The following HEXIM1 variants were observed in gnomAD, a reference collection of about 807,000 sequenced individuals.
The protein encoded by HEXIM1 is protein HEXIM1.
HEXIM1 carries 1 observed loss-of-function variant against 30.3 expected under a neutral mutation model. That is an observed-to-expected ratio of 0.03 (90% CI 0.01 to 0.16). The LOEUF is 0.16. Among genes scored for constraint, HEXIM1 ranks in the 10% least tolerant of loss-of-function variants. The pLI, the probability that HEXIM1 is intolerant of heterozygous loss-of-function variation, is 1.00. For synonymous variants in HEXIM1, 245 were observed against 208.3 expected (o/e 1.18, Z -1.52); for missense variants, 391 against 476.4 (o/e 0.82, Z 1.67).
In HEXIM1 at chr17:45,149,130, C is replaced by A. The variant is rs1432046336; in HGVS notation, c.-61C>A. The A allele has an allele frequency of 1.4e-6, 2 of 1,457,176 alleles. No individual in the cohort carries two copies. The highest frequency in any genetic ancestry group is 1.8e-6 in the Non-Finnish European group (2 of 1,090,604). The allele number at this position is 1,457,176 out of a possible 1,614,324, so 90.3% of individuals were successfully genotyped here. ...CTTTTTCTTTTTTTTAAGAAAAACC[C>A]ATTTTTTTCCTTAAGGACTTACTAG... On this transcript the variant is annotated 5_prime_UTR_variant, in exon 1 of 1. Coordinates refer to ENST00000332499, the MANE Select transcript of HEXIM1 (RefSeq NM_006460.3). The surrounding 1 kb of genome is among the most constrained non-coding windows in gnomAD (Gnocchi z 5.3).
In HEXIM1 at chr17:45,148,596, C is replaced by A; in HGVS notation, c.-595C>A. 2.5e-6 allele frequency: 1 copy of A among 399,284 alleles called. No individual in the cohort carries two copies. 24.7% of individuals were successfully genotyped at this position (399,284 alleles called of 1,614,324 possible). A position where few individuals can be genotyped will look rare whatever the true frequency, so the allele number is the denominator to read the frequency against. On this transcript the variant is annotated 5_prime_UTR_variant, in exon 1 of 1. In the 5' UTR this introduces an upstream ATG that the reference lacks. Coordinates refer to ENST00000332499, the MANE Select transcript of HEXIM1 (RefSeq NM_006460.3). Reference sequence around the variant, plus strand: ...GAAAAGAGGAGGAGGCGGAGGAGAACTGAGCAGAGCAGAGCATCGAGCCAA... The same window carrying A: ...GAAAAGAGGAGGAGGCGGAGGAGAAATGAGCAGAGCAGAGCATCGAGCCAA...
chr17:45,149,249 G>A lies in HEXIM1; in HGVS notation c.59G>A (p.Gly20Asp), dbSNP rs367729540. The A allele has an allele frequency of 6.2e-7, 1 of 1,613,720 alleles. No individual in the cohort carries two copies. The highest frequency in any genetic ancestry group is 1.3e-5 in the African/African-American group (1 of 74,912). Residue 20 changes from glycine (G) to aspartate (D), a missense_variant, in exon 1 of 1, where the codon GGT (glycine) becomes GAT (aspartate). Physicochemically the swap from Gly to Asp is moderately conservative, Grantham distance 94. This residue lies in a region of HEXIM1 where 230 missense variants were observed against 199.4 expected (regional missense o/e 1.15). Coordinates refer to ENST00000332499, the MANE Select transcript of HEXIM1 (RefSeq NM_006460.3). The surrounding 1 kb of genome is among the most constrained non-coding windows in gnomAD (Gnocchi z 5.3). ...CAGCCTCAAACTAGCAACTGTACAG[G>A]TGCTGCTGCTGTCCAGGAAGAGCTG... ...QHQPQTSNCT[G>D]AAAVQEELNP...
Position 45,149,245 on chromosome 17 carries a change from A to C in HEXIM1, c.55A>C (p.Thr19Pro). The C allele has an allele frequency of 6.2e-7, 1 of 1,613,872 alleles. No individual in the cohort carries two copies. Among genetic ancestry groups the C allele is most frequent in the Non-Finnish European group, 8.5e-7 (1 of 1,180,028 alleles). The change falls in exon 1 of 1, where the codon ACA becomes CCA. Residue 19 changes from threonine (T) to proline (P), a missense_variant. Physicochemically the swap from Thr to Pro is conservative, Grantham distance 38. Transcript: ENST00000332499. The surrounding 1 kb of genome is among the most constrained non-coding windows in gnomAD (Gnocchi z 5.3). Reference sequence around the variant, plus strand: ...ACACCAGCCTCAAACTAGCAACTGTACAGGTGCTGCTGCTGTCCAGGAAGA... The same window carrying C: ...ACACCAGCCTCAAACTAGCAACTGTCCAGGTGCTGCTGCTGTCCAGGAAGA... Reference protein sequence around the residue: ...YQHQPQTSNCTGAAAVQEELN... With the variant: ...YQHQPQTSNCPGAAAVQEELN...
Position 45,149,891 on chromosome 17 carries a change from A to C in HEXIM1, c.701A>C (p.Asp234Ala). The C allele has an allele frequency of 6.2e-7, 1 of 1,613,514 alleles. No homozygotes were observed. The highest frequency in any genetic ancestry group is 8.5e-7 in the Non-Finnish European group (1 of 1,179,900). The change falls in exon 1 of 1, where the codon GAC becomes GCC. Residue 234 changes from aspartate to alanine, a missense_variant. Asp to Ala is a moderately radical substitution (Grantham distance 126). Around this residue, in one of 5 missense-constraint regions of HEXIM1, gnomAD observed 38 missense variants for 40.0 expected, o/e 0.95. Transcript: ENST00000332499. The surrounding 1 kb of genome is among the most constrained non-coding windows in gnomAD (Gnocchi z 5.3). The stretch of plus-strand genomic sequence containing the variant: ...TCCAAGCGGGCCGCCGCCAAATCCG[A>C]CGACACCAGCGATGACGACTTCATG... ...LYSKRAAAKSDDTSDDDFMEE... is the reference protein window; with the variant it reads ...LYSKRAAAKSADTSDDDFMEE...
rs1337636793 is a variant in HEXIM1, at chr17:45,152,078, A to T, written c.*1808A>T. 1.1e-4 allele frequency: 18 copies of T among 167,036 alleles called. No homozygotes were observed. 10.3% of individuals were successfully genotyped at this position (167,036 alleles called of 1,614,324 possible). A position where few individuals can be genotyped will look rare whatever the true frequency, so the allele number is the denominator to read the frequency against. On this transcript the variant is annotated 3_prime_UTR_variant, in exon 1 of 1. Transcript: ENST00000332499. ...TGAGTTTTTCTTTGGTCTAAAAATTATATTAAACATTTATTTTGAAATAGT... is the reference window on the plus strand; with the variant it reads ...TGAGTTTTTCTTTGGTCTAAAAATTTTATTAAACATTTATTTTGAAATAGT...
Position 45,150,204 on chromosome 17 carries a change from G to A in HEXIM1, c.1014G>A (p.Gln338=), listed in dbSNP as rs146847738. The A allele has an allele frequency of 2.5e-6, 4 of 1,612,626 alleles. No individual in the cohort carries two copies. The African/African-American group carries it at 5.3e-5, about 22-fold the overall frequency. Residue 338 remains glutamine (Q), a synonymous_variant, in exon 1 of 1, where the codon CAG becomes CAA. Coordinates refer to ENST00000332499, the MANE Select transcript of HEXIM1 (RefSeq NM_006460.3). ...ACCGGCTGCGCGCCGAGAACCTCCA[G>A]CTGCTGACCGAGAACGAACTGCACC... is the stretch of plus-strand genomic sequence containing the variant. ...ELDRLRAENL[Q]LLTENELHRQ... is the part of the protein sequence containing the mutation.
In HEXIM1 at chr17:45,151,467, G is replaced by C. The variant is rs1011290522; in HGVS notation, c.*1197G>C. On this transcript the variant is annotated 3_prime_UTR_variant, in exon 1 of 1. Coordinates refer to ENST00000332499, the MANE Select transcript of HEXIM1 (RefSeq NM_006460.3). ...CCCTTGCACAGCCCTATTCTAAATC[G>C]CTTAAACTATGCTGATAGCTGCTTA... is the stretch of plus-strand genomic sequence containing the variant. 9 of 166,968 alleles carry C rather than the reference G, an allele frequency of 5.4e-5. No individual in the cohort carries two copies. Among genetic ancestry groups the C allele is most frequent in the African/African-American group, 2.2e-4 (9 of 41,394 alleles). 10.3% of individuals were successfully genotyped at this position (166,968 alleles called of 1,614,324 possible).
rs1246796223 is a variant in HEXIM1 at position 45,149,584 on chromosome 17, G to A, written c.394G>A (p.Ala132Thr). 1.2e-6 allele frequency: 2 copies of A among 1,610,058 alleles called. No homozygotes were observed. Among genetic ancestry groups the A allele is most frequent in the South Asian group, 1.1e-5 (1 of 90,928 alleles). ...TGACTCCGAGGCCAGTAAGTTGGGGGCTCCTGCCGCAGGGGGCGAAGAGGA... is the reference window on the plus strand; with the variant it reads ...TGACTCCGAGGCCAGTAAGTTGGGGACTCCTGCCGCAGGGGGCGAAGAGGA... ...CHDSEASKLG[A>T]PAAGGEEEWG... Residue 132 changes from alanine (A) to threonine (T), a missense_variant, in exon 1 of 1, where the codon GCT becomes ACT. Coordinates refer to ENST00000332499, the MANE Select transcript of HEXIM1 (RefSeq NM_006460.3). The surrounding 1 kb of genome is among the most constrained non-coding windows in gnomAD (Gnocchi z 5.3).
chr17:45,149,049 G>C lies in HEXIM1; in HGVS notation c.-142G>C. ...TTTGCTGATAGAAGGACTAGCTAAA[G>C]GCGTCACTGCAGGAATTACAAACTG... On this transcript the variant is annotated 5_prime_UTR_variant, in exon 1 of 1. Coordinates refer to ENST00000332499, the MANE Select transcript of HEXIM1 (RefSeq NM_006460.3). The surrounding 1 kb of genome is among the most constrained non-coding windows in gnomAD (Gnocchi z 5.3). 1 of 818,852 alleles carries C rather than the reference G, an allele frequency of 1.2e-6. No individual in the cohort carries two copies. The highest frequency in any genetic ancestry group is 1.9e-6 in the Non-Finnish European group (1 of 531,886). The allele number at this position is 818,852 out of a possible 1,614,324, so 50.7% of individuals were successfully genotyped here.
In HEXIM1 at chr17:45,150,165, G is replaced by T; in HGVS notation, c.975G>T (p.Leu325=). The change falls in exon 1 of 1, where the codon CTG becomes CTT. Residue 325 remains leucine (L), a synonymous_variant. Coordinates refer to ENST00000332499, the MANE Select transcript of HEXIM1 (RefSeq NM_006460.3). ...GCGACGACGCGCGTGTGCGGGAGCT[G>T]GAGCTGGAGCTGGACCGGCTGCGCG... ...LGGDDARVRE[L]ELELDRLRAE... 1 of 1,613,360 alleles carries T rather than the reference G, an allele frequency of 6.2e-7. No individual in the cohort carries two copies. Among genetic ancestry groups the T allele is most frequent in the African/African-American group, 1.3e-5 (1 of 75,050 alleles).
In HEXIM1 at chr17:45,150,182, G is replaced by A; in HGVS notation, c.992G>A (p.Arg331Gln). The A allele has an allele frequency of 1.2e-6, 2 of 1,613,064 alleles. No individual in the cohort carries two copies. The highest frequency in any genetic ancestry group is 1.3e-5 in the African/African-American group (1 of 75,040). The change falls in exon 1 of 1, where the codon CGG becomes CAG. Residue 331 changes from arginine (R) to glutamine (Q), a missense_variant. Transcript: ENST00000332499. ...CGGGAGCTGGAGCTGGAGCTGGACC[G>A]GCTGCGCGCCGAGAACCTCCAGCTG... ...RVRELELELD[R>Q]LRAENLQLLT...
In HEXIM1 at chr17:45,149,817, C is replaced by A; in HGVS notation, c.627C>A (p.Leu209=). ...PVAPYNTTQF[L]MDDHDQEEPD... ...CGCCCTATAACACCACGCAGTTCCT[C>A]ATGGATGATCACGACCAGGAGGAGC... is the stretch of plus-strand genomic sequence containing the variant. Residue 209 remains leucine (L), a synonymous_variant, in exon 1 of 1, where the codon CTC becomes CTA. Transcript: ENST00000332499. This position sits in a 1 kb window ranked among gnomAD's most constrained non-coding sequence, Gnocchi z 5.3. 6.2e-7 allele frequency: 1 copy of A among 1,613,834 alleles called. No individual in the cohort carries two copies. The highest frequency in any genetic ancestry group is 8.5e-7 in the Non-Finnish European group (1 of 1,180,024).
At position 45,149,345 on chromosome 17, in the gene HEXIM1, T is replaced by C. The variant is rs772784303; in HGVS notation, c.155T>C (p.Phe52Ser). The C allele has an allele frequency of 3.7e-6, 6 of 1,613,314 alleles. No individual in the cohort carries two copies. In the Admixed American group the frequency reaches 6.7e-5, roughly 18 times the overall value. The stretch of plus-strand genomic sequence containing the variant: ...GACAGTAGGTGGCAATCGAGAGCGT[T>C]CCCCCAGTTGGGTGGCCGTCCGGGG... ...EEDSRWQSRA[F>S]PQLGGRPGPE... is the part of the protein sequence containing the mutation. Residue 52 changes from phenylalanine (F) to serine (S), a missense_variant, in exon 1 of 1, where the codon TTC becomes TCC. Physicochemically the swap from Phe to Ser is radical, Grantham distance 155. This residue lies in a region of HEXIM1 where 230 missense variants were observed against 199.4 expected (regional missense o/e 1.15). Transcript: ENST00000332499. The surrounding 1 kb of genome is among the most constrained non-coding windows in gnomAD (Gnocchi z 5.3).
At position 45,151,889 on chromosome 17, in the gene HEXIM1, T is replaced by TG. The variant is rs2055549783; in HGVS notation, c.*1620dup. The TG allele has an allele frequency of 6.0e-6, 1 of 166,962 alleles. No individual in the cohort carries two copies. Among genetic ancestry groups the TG allele is most frequent in the Non-Finnish European group, 1.5e-5 (1 of 68,092 alleles). 10.3% of individuals were successfully genotyped at this position (166,962 alleles called of 1,614,324 possible). A position where few individuals can be genotyped will look rare whatever the true frequency, so the allele number is the denominator to read the frequency against. On this transcript the variant is annotated 3_prime_UTR_variant, in exon 1 of 1. Coordinates refer to ENST00000332499, the MANE Select transcript of HEXIM1 (RefSeq NM_006460.3). ...TGCAGTTAAATGGCGATGGTGGAGG[T>TG]GATAGGGACTTCAAGAGTAAAATGC... is the stretch of plus-strand genomic sequence containing the variant.
Position 45,150,356 on chromosome 17 carries a change from G to C in HEXIM1, c.*86G>C, listed in dbSNP as rs2087955886. The C allele has an allele frequency of 2.7e-6, 4 of 1,472,360 alleles. No homozygotes were observed. Among genetic ancestry groups the C allele is most frequent in the Non-Finnish European group, 3.7e-6 (4 of 1,090,946 alleles). 91.2% of individuals were successfully genotyped at this position (1,472,360 alleles called of 1,614,324 possible). A position where few individuals can be genotyped will look rare whatever the true frequency, so the allele number is the denominator to read the frequency against. On this transcript the variant is annotated 3_prime_UTR_variant, in exon 1 of 1. Transcript: ENST00000332499. ...TATATACATGTGTATATAAGACAGT[G>C]GACCTTTTTATGACACATAATCAGA... is the stretch of plus-strand genomic sequence containing the variant.
rs1475266515 is a variant in HEXIM1 at position 45,148,951 on chromosome 17, T to C, written c.-240T>C. 1.2e-5 allele frequency: 6 copies of C among 518,832 alleles called. No homozygotes were observed. Among genetic ancestry groups the C allele is most frequent in the Non-Finnish European group, 2.0e-5 (6 of 296,636 alleles). 32.1% of individuals were successfully genotyped at this position (518,832 alleles called of 1,614,324 possible). On this transcript the variant is annotated 5_prime_UTR_variant, in exon 1 of 1. Coordinates refer to ENST00000332499, the MANE Select transcript of HEXIM1 (RefSeq NM_006460.3). ...TACTGTTCCTGCCGCTGCACCCCCT[T>C]GGACCCGCTAGCTGGCCGCACTGTG...
Position 45,150,481 on chromosome 17 carries a change from CTTG to C in HEXIM1, c.*214_*216del, listed in dbSNP as rs2055540316. The stretch of plus-strand genomic sequence containing the variant: ...TATGTGAAACTGAAGAGTTGCTTTT[CTTG>C]TTTTCCTTTTTAGAAGTTTTTTTCC... On this transcript the variant is annotated 3_prime_UTR_variant, in exon 1 of 1. Coordinates refer to ENST00000332499, the MANE Select transcript of HEXIM1 (RefSeq NM_006460.3). The C allele has an allele frequency of 1.9e-6, 1 of 537,118 alleles. No individual in the cohort carries two copies. The highest frequency in any genetic ancestry group is 1.9e-5 in the African/African-American group (1 of 51,490). 33.3% of individuals were successfully genotyped at this position (537,118 alleles called of 1,614,324 possible). A position where few individuals can be genotyped will look rare whatever the true frequency, so the allele number is the denominator to read the frequency against.
In HEXIM1 at chr17:45,149,380, G is replaced by A. The variant is rs762094836; in HGVS notation, c.190G>A (p.Glu64Lys). The A allele has an allele frequency of 6.2e-6, 10 of 1,613,450 alleles. No homozygotes were observed. In the African/African-American group the frequency reaches 8.0e-5, roughly 13 times the overall value. ...GGGTGGCCGTCCGGGGCCGGAGGGG[G>A]AAGGGAGCCTGGAATCCCAACCACC... ...QLGGRPGPEG[E>K]GSLESQPPPL... Residue 64 changes from glutamate (E) to lysine (K), a missense_variant, in exon 1 of 1, where the codon GAA (glutamate) becomes AAA (lysine). Physicochemically the swap from Glu to Lys is moderately conservative, Grantham distance 56. Transcript: ENST00000332499. This position sits in a 1 kb window ranked among gnomAD's most constrained non-coding sequence, Gnocchi z 5.3.
Position 45,150,374 on chromosome 17 carries a change from T to G in HEXIM1, c.*104T>G. 1 of 1,386,630 alleles carries G rather than the reference T, an allele frequency of 7.2e-7. No individual in the cohort carries two copies. Among genetic ancestry groups the G allele is most frequent in the Non-Finnish European group, 9.7e-7 (1 of 1,025,662 alleles). The allele number at this position is 1,386,630 out of a possible 1,614,324, so 85.9% of individuals were successfully genotyped here. A position where few individuals can be genotyped will look rare whatever the true frequency, so the allele number is the denominator to read the frequency against. ...AGACAGTGGACCTTTTTATGACACA[T>G]AATCAGAAGAGAAATCCCCCTGGCT... On this transcript the variant is annotated 3_prime_UTR_variant, in exon 1 of 1. Transcript: ENST00000332499.
Sources: allele counts gnomAD v4.1 joint callset, GRCh38; gene constraint gnomAD v4.1.1; regional missense constraint gnomAD v4.1.1; non-coding constraint Gnocchi (gnomAD v3.1); transcripts MANE v1.5; gene names NCBI Gene and HGNC (gene_info 2026-07-23, HGNC 2026-07-21).